The following TET3 variants were observed in gnomAD, a reference collection of about 807,000 sequenced individuals.
The protein encoded by TET3 is methylcytosine dioxygenase TET3.
A neutral mutation model predicts 141.4 loss-of-function variants in TET3; 19 were observed. That is an observed-to-expected ratio of 0.13 (90% CI 0.09 to 0.20). TET3 has a LOEUF of 0.20. TET3 is among the 10% of genes least tolerant of loss of function. The pLI, the probability that TET3 is intolerant of heterozygous loss-of-function variation, is 1.00. For synonymous variants in TET3, 1,043 were observed against 980.9 expected, an observed-to-expected ratio of 1.06 and a Z score of -1.18; for missense variants, 1,874 against 2,356.9, an observed-to-expected ratio of 0.80 and a Z score of 4.24.
rs142270380 is a variant in TET3 at position 74,010,134 on chromosome 2, T to C, written c.360+6968T>C. Among the ~76,000 whole-genome samples the C allele has an allele frequency of 1.0e-2, 1,518 of 152,342 alleles. 11 individuals are homozygous for C. The highest frequency in any genetic ancestry group is 0.024 in the Middle Eastern group (7 of 294). ...CTGGGTAGTAGTTAGGGCTGAGCTC[T>C]GGGGTTGTGTGGTTGGAGCGGCGTG... On this transcript the variant is annotated intron_variant, in intron 3 of 11. Coordinates refer to ENST00000409262, the MANE Select transcript of TET3 (RefSeq NM_001287491.2).
rs144832195 is a variant in TET3, at chr2:74,081,633, G to C, written c.2679+1042G>C. Among the ~76,000 whole-genome samples the C allele has an allele frequency of 1.1e-4, 16 of 152,292 alleles. No individual in the cohort carries two copies. In the East Asian group the frequency reaches 2.7e-3, roughly 26 times the overall value. The stretch of plus-strand genomic sequence containing the variant: ...GCAGAGAGGCTGGGTGGACAGACCC[G>C]TGGCTGACTGTGAGGGAGGCGGGTA... On this transcript the variant is annotated intron_variant, in intron 6 of 11. Transcript: ENST00000409262.
In TET3 at chr2:74,048,378, G is replaced by A. The variant is rs747638221; in HGVS notation, c.2461G>A (p.Ala821Thr). The A allele has an allele frequency of 2.5e-6, 4 of 1,611,638 alleles. No homozygotes were observed. The highest frequency in any genetic ancestry group is 2.5e-6 in the Non-Finnish European group (3 of 1,178,794). Reference sequence around the variant, plus strand: ...TCTGCTGGACACACCTGCCAAGAGAGCCCAGGCCGAGTTCCCCACCTGCGA... The same window carrying A: ...TCTGCTGGACACACCTGCCAAGAGAACCCAGGCCGAGTTCCCCACCTGCGA... ...KSLLDTPAKR[A>T]QAEFPTCDCV... is the part of the protein sequence containing the mutation. The change falls in exon 4 of 12, where the codon GCC becomes ACC. Residue 821 changes from alanine to threonine, a missense_variant. Physicochemically the swap from Ala to Thr is moderately conservative, Grantham distance 58. Around this residue, in one of 10 missense-constraint regions of TET3, gnomAD observed 83 missense variants for 107.0 expected, o/e 0.78. Transcript: ENST00000409262.
At chr2:73,995,710 G>C (rs952726009) in intron 2 of TET3, among the ~76,000 whole-genome samples, 1 of 152,190 alleles carries the variant, frequency 6.6e-6, no homozygotes, top group East Asian at 1.9e-4. Flanking sequence ...AGGAGGTTCT[G>C]TAGGACAGTG....
rs1689328379 is a variant in TET3, at chr2:74,073,531, C to T, written c.2495-18C>T. 1 of 1,573,302 alleles carries T rather than the reference C, an allele frequency of 6.4e-7. No individual in the cohort carries two copies. Among genetic ancestry groups the T allele is most frequent in the East Asian group, 2.3e-5 (1 of 44,320 alleles). ...CTAATTGATATTCCAAAAATGTTTA[C>T]TCTCTGTGTTTCTGCAGAACAAATA... On this transcript the variant is annotated intron_variant, in intron 4 of 11. Transcript: ENST00000409262.
chr2:74,038,205 G>A (rs1238867940), intron 3 of TET3, among the ~76,000 whole-genome samples: 1 of 152,186 alleles, frequency 6.6e-6, no homozygotes, highest in Non-Finnish European at 1.5e-5. Context: ...ATGTGACTGG[G>A]GTTGGCGATG....
intron 8 of TET3, among the ~76,000 whole-genome samples, chr2:74,091,715 T>G (rs906758352): frequency 6.6e-6 from 1 of 152,252 alleles, no homozygotes; most frequent in East Asian, 1.9e-4. Flanking sequence ...TGGTTCTTTT[T>G]CTCTTTCCTC....
At chr2:74,109,732 G>A (rs942790932), downstream of TET3, among the ~76,000 whole-genome samples, 2 of 152,162 alleles carry the variant, frequency 1.3e-5, no homozygotes, top group African/African-American at 4.8e-5. Context: ...GCCCCCGTCT[G>A]TTCACACCTA....
intron 4 of TET3, among the ~76,000 whole-genome samples, chr2:74,070,673 CT>C (rs1367647590): frequency 1.3e-5 from 2 of 152,156 alleles, no homozygotes; most frequent in Admixed American, 6.5e-5. Context: ...TTTATTTGGA[CT>C]ATTTTAACAA....
intron 4 of TET3, among the ~76,000 whole-genome samples, chr2:74,071,295 T>A (rs371356894): frequency 6.6e-5 from 10 of 152,034 alleles, no homozygotes; most frequent in Non-Finnish European, 1.3e-4. Context: ...ACATACAAAT[T>A]TGGGAGGGAC....
At chr2:74,061,724 G>A (rs1331445095) in intron 4 of TET3, among the ~76,000 whole-genome samples, 1 of 141,044 alleles carries the variant, frequency 7.1e-6, no homozygotes, top group African/African-American at 2.8e-5. Context: ...GGGCGGAGGG[G>A]CTCCTCACTT....
intron 10 of TET3, among the ~76,000 whole-genome samples, chr2:74,095,837 A>C (rs945492348): frequency 6.6e-6 from 1 of 152,244 alleles, no homozygotes; most frequent in Non-Finnish European, 1.5e-5. Flanking sequence ...GTGGCGCAGT[A>C]ACCTGCTTGA....
chr2:74,011,839 A>G (rs1685450779), intron 3 of TET3, among the ~76,000 whole-genome samples: 1 of 151,794 alleles, frequency 6.6e-6, no homozygotes, highest in Non-Finnish European at 1.5e-5. Context: ...GGAGTTTGAG[A>G]TCAGCCTAGG....
At chr2:74,134,515 A>C in the TET3 span, 182 of 324,812 alleles carry the variant, frequency 5.6e-4, 1 homozygote, top group South Asian at 3.9e-3. Context: ...TTAGGGAGGT[A>C]CCTTCAGAAC....
intron 3 of TET3, among the ~76,000 whole-genome samples, chr2:74,017,526 A>G (rs548936217): frequency 6.6e-6 from 1 of 152,226 alleles, no homozygotes; most frequent in South Asian, 2.1e-4. Context: ...TTCACTTAAC[A>G]TATCCTCCAA....
At chr2:74,053,249 C>G (rs962156077) in intron 4 of TET3, among the ~76,000 whole-genome samples, 2 of 152,136 alleles carry the variant, frequency 1.3e-5, no homozygotes, top group South Asian at 4.1e-4. Flanking sequence ...AGAGTCCCCC[C>G]CCAACCATCC....
intron 8 of TET3, among the ~76,000 whole-genome samples, chr2:74,091,946 C>T (rs189410697): frequency 6.6e-6 from 1 of 152,310 alleles, no homozygotes; most frequent in East Asian, 1.9e-4. Flanking sequence ...ACAGGAGCCA[C>T]GTGTAGCTGC....
chr2:74,112,533 A>G (rs924971249), downstream of TET3, among the ~76,000 whole-genome samples: 1 of 152,228 alleles, frequency 6.6e-6, no homozygotes, highest in Non-Finnish European at 1.5e-5. Flanking sequence ...CAAGTTATCT[A>G]AAGCCAAATA....
At chr2:74,051,753 G>A (rs1430685117) in intron 4 of TET3, among the ~76,000 whole-genome samples, 1 of 152,124 alleles carries the variant, frequency 6.6e-6, no homozygotes, top group Non-Finnish European at 1.5e-5. Flanking sequence ...TTAGCCATGA[G>A]GAAACAGATT....
intron 10 of TET3, among the ~76,000 whole-genome samples, chr2:74,094,628 A>T (rs1690700531): frequency 1.3e-5 from 2 of 152,112 alleles, no homozygotes; most frequent in Non-Finnish European, 2.9e-5. Flanking sequence ...TGGGGCAGCC[A>T]TCCAGGCCAG....
Sources: gnomAD v4.1 joint callset for allele counts (sites outside exome capture counted in the v4.1 genomes callset) on GRCh38, gnomAD v4.1.1 for gene constraint, gnomAD v4.1.1 regional missense constraint, MANE v1.5 for transcripts, NCBI Gene and HGNC (gene_info 2026-07-23, HGNC 2026-07-21) for gene names.